Variants in VPS37D observed in about 807,000 individuals in gnomAD.
The protein encoded by VPS37D is VPS37D subunit of ESCRT-I, also known as vacuolar protein sorting-associated protein 37D.
VPS37D carries 5 observed loss-of-function variants against 22.0 expected under a neutral mutation model. That is an observed-to-expected ratio of 0.23 (90% CI 0.12 to 0.48). The LOEUF (loss-of-function observed/expected upper bound fraction) is 0.48. Ranked by LOEUF, VPS37D falls within the 20% of genes least tolerant of loss-of-function variation. VPS37D has a pLI of 0.99. For missense variants in VPS37D, 384 were observed against 345.8 expected, an observed-to-expected ratio of 1.11 and a Z score of -0.88; for synonymous variants, 174 against 159.3, an observed-to-expected ratio of 1.09 and a Z score of -0.69.
chr7:73,666,837 C>T (rs1797383621), upstream of VPS37D, among the ~76,000 whole-genome samples: 1 of 152,098 alleles, frequency 6.6e-6, no homozygotes, highest in African/African-American at 2.4e-5. Flanking sequence ...GCTGTGTTGC[C>T]CAGGCTGGTC....
Position 73,667,853 on chromosome 7 carries a change from CCGGAGCGGATCCTGGAGCCGGAGCGGAG to C in VPS37D, c.-96_-69del. Reference sequence around the variant, plus strand: ...GGCGGAGCGGTGCGTGCGGCCGGAGCCGGAGCGGATCCTGGAGCCGGAGCGGAGCGGAGCGGAGCGGAGCCGGGGCGGA... The same window carrying C: ...GGCGGAGCGGTGCGTGCGGCCGGAGCCGGAGCGGAGCGGAGCCGGGGCGGA... On this transcript the variant is annotated 5_prime_UTR_variant, in exon 1 of 4. Coordinates refer to ENST00000324941, the MANE Select transcript of VPS37D (RefSeq NM_001077621.2). 3 of 298,680 alleles carry C rather than the reference CCGGAGCGGATCCTGGAGCCGGAGCGGAG, an allele frequency of 1.0e-5. No homozygotes were observed. The highest frequency in any genetic ancestry group is 1.5e-5 in the Non-Finnish European group (3 of 200,258). 18.5% of individuals were successfully genotyped at this position (298,680 alleles called of 1,614,324 possible).
intron 1 of VPS37D, 79 bp downstream of exon 1, chr7:73,668,175 G>GCGGGCCGGGCCGCGGGGCCGCC (rs1797425015): frequency 1.1e-6 from 1 of 938,710 alleles, no homozygotes; most frequent in African/African-American, 1.8e-5. Flanking sequence ...GAAGGGCCGC[G>GCGGGCCGGGCCGCGGGGCCGCC]CGGGCCGGGC....
Position 73,671,054 on chromosome 7 carries a change from A to C in VPS37D, c.434A>C (p.Glu145Ala), listed in dbSNP as rs1554609613. ...EQLLLGEQSL[E>A]AFLPAFQRGR... Reference sequence around the variant, plus strand: ...CTGCTGCTCGGGGAGCAAAGCCTGGAGGCCTTCCTGCCTGCCTTCCAGCGT... The same window carrying C: ...CTGCTGCTCGGGGAGCAAAGCCTGGCGGCCTTCCTGCCTGCCTTCCAGCGT... The change falls in exon 4 of 4, where the codon GAG (glutamate) becomes GCG (alanine). Residue 145 changes from glutamate (E) to alanine (A), a missense_variant. Physicochemically the swap from Glu to Ala is moderately radical, Grantham distance 107. Coordinates refer to ENST00000324941, the MANE Select transcript of VPS37D (RefSeq NM_001077621.2). 1 of 1,612,392 alleles carries C rather than the reference A, an allele frequency of 6.2e-7. No homozygotes were observed. The highest frequency in any genetic ancestry group is 1.7e-5 in the Admixed American group (1 of 59,994).
rs1797523965 is a variant in VPS37D, at chr7:73,671,793, C to G, written c.*417C>G. ...CCGCCAGGAGTGTTTTACATCATGT[C>G]CTGAGCCTACCTTTCCCCCAAATTC... On this transcript the variant is annotated 3_prime_UTR_variant, in exon 4 of 4. Transcript: ENST00000324941. The G allele has an allele frequency of 6.6e-6, 1 of 152,230 alleles. No individual in the cohort carries two copies. The highest frequency in any genetic ancestry group is 2.1e-4 in the South Asian group (1 of 4,818). The allele number at this position is 152,230 out of a possible 1,614,324, so 9.4% of individuals were successfully genotyped here.
rs1554609590 is a variant in VPS37D at position 73,670,994 on chromosome 7, T to A, written c.394-20T>A. 1.2e-6 allele frequency: 2 copies of A among 1,608,956 alleles called. No homozygotes were observed. Among genetic ancestry groups the A allele is most frequent in the South Asian group, 2.2e-5 (2 of 90,756 alleles). On this transcript the variant is annotated intron_variant, in intron 3 of 3. Transcript: ENST00000324941. ...CTGTGGTCGTGCCTCTCCCAAGCCT[T>A]CCCTTCCCTCCCGGCCCAGGAGCAG...
chr7:73,671,383 C>T lies in VPS37D; in HGVS notation c.*7C>T, dbSNP rs959945879. The T allele has an allele frequency of 3.3e-5, 45 of 1,364,222 alleles. No individual in the cohort carries two copies. Among genetic ancestry groups the T allele is most frequent in the Non-Finnish European group, 4.0e-5 (42 of 1,060,794 alleles). The allele number at this position is 1,364,222 out of a possible 1,614,324, so 84.5% of individuals were successfully genotyped here. On this transcript the variant is annotated 3_prime_UTR_variant, in exon 4 of 4. Coordinates refer to ENST00000324941, the MANE Select transcript of VPS37D (RefSeq NM_001077621.2). The stretch of plus-strand genomic sequence containing the variant: ...AGAGCCCCCCCACCGGTAGGATCCA[C>T]GGTGCGGCCCCCCAGTTGGGGGGCC...
rs1052569868 is a variant in VPS37D at position 73,671,443 on chromosome 7, C to A, written c.*67C>A. 3.7e-5 allele frequency: 33 copies of A among 902,232 alleles called. No individual in the cohort carries two copies. Among genetic ancestry groups the A allele is most frequent in the Non-Finnish European group, 4.7e-5 (31 of 659,782 alleles). The allele number at this position is 902,232 out of a possible 1,614,324, so 55.9% of individuals were successfully genotyped here. On this transcript the variant is annotated 3_prime_UTR_variant, in exon 4 of 4. Transcript: ENST00000324941. ...TTGATGCGTGGCTCCTCCTCCTCCCCCACTGCCTGGGTGGGGGGAGGGGCA... is the reference window on the plus strand; with the variant it reads ...TTGATGCGTGGCTCCTCCTCCTCCCACACTGCCTGGGTGGGGGGAGGGGCA...
Position 73,671,322 on chromosome 7 carries a change from C to T in VPS37D, c.702C>T (p.Gly234=). 7.2e-7 allele frequency: 1 copy of T among 1,380,772 alleles called. No individual in the cohort carries two copies. Among genetic ancestry groups the T allele is most frequent in the Non-Finnish European group, 9.4e-7 (1 of 1,062,870 alleles). The allele number at this position is 1,380,772 out of a possible 1,614,324, so 85.5% of individuals were successfully genotyped here. The change falls in exon 4 of 4, where the codon GGC becomes GGT. Residue 234 remains glycine (G), a synonymous_variant. Transcript: ENST00000324941. The part of the protein sequence containing the change: ...PLKGSPGCPL[G]PAPLLSPRPS... ...AGGGCTCCCCCGGGTGCCCCCTCGG[C>T]CCGGCCCCCCTGCTGAGCCCTCGGC...
upstream of VPS37D, among the ~76,000 whole-genome samples, chr7:73,667,211 T>A (rs1362704449): frequency 6.6e-6 from 1 of 151,982 alleles, no homozygotes; most frequent in Non-Finnish European, 1.5e-5. Flanking sequence ...CCTGACCTCG[T>A]GATCCGCCCG....
chr7:73,665,693 T>C (rs1175768562), upstream of VPS37D, among the ~76,000 whole-genome samples: 1 of 152,198 alleles, frequency 6.6e-6, no homozygotes, highest in Admixed American at 6.5e-5. Flanking sequence ...CCCTATGCCT[T>C]GGCTTATGGA....
upstream of VPS37D, among the ~76,000 whole-genome samples, chr7:73,666,374 G>C (rs530164822): frequency 2.6e-5 from 4 of 152,216 alleles, no homozygotes; most frequent in East Asian, 3.9e-4. Context: ...AAACGGGACT[G>C]TATCATTTAC....
At position 73,672,003 on chromosome 7, in the gene VPS37D, CCT is replaced by C. The variant is rs1458295719; in HGVS notation, c.*628_*629del. Reference sequence around the variant, plus strand: ...AAAGACCATTCTGTATTTTTCTGTCCCTGTCTCCTTAGAATGGAAGCTTTTTG... The same window carrying C: ...AAAGACCATTCTGTATTTTTCTGTCCGTCTCCTTAGAATGGAAGCTTTTTG... On this transcript the variant is annotated 3_prime_UTR_variant, in exon 4 of 4. Coordinates refer to ENST00000324941, the MANE Select transcript of VPS37D (RefSeq NM_001077621.2). The C allele has an allele frequency of 1.3e-5, 2 of 152,314 alleles. No homozygotes were observed. The highest frequency in any genetic ancestry group is 2.4e-5 in the African/African-American group (1 of 41,450). 9.4% of individuals were successfully genotyped at this position (152,314 alleles called of 1,614,324 possible).
At chr7:73,669,704 C>G (rs1554609370) in intron 2 of VPS37D, 114 bp downstream of exon 2, 1 of 1,066,236 alleles carries the variant, frequency 9.4e-7, no homozygotes, top group African/African-American at 1.8e-5. Context: ...GGACCTGCTC[C>G]TGGCTTGCTG....
intron 3 of VPS37D, among the ~76,000 whole-genome samples, 156 bp from the exon 4 acceptor site, chr7:73,670,858 A>G (rs1418849890): frequency 1.3e-5 from 2 of 151,544 alleles, no homozygotes; most frequent in Non-Finnish European, 2.9e-5. Flanking sequence ...TCACTTAGCA[A>G]GTAATCGGAG....
upstream of VPS37D, among the ~76,000 whole-genome samples, chr7:73,666,440 G>A (rs1797374937): frequency 6.6e-6 from 1 of 150,936 alleles, no homozygotes; most frequent in Non-Finnish European, 1.5e-5. Context: ...TTTTTTCTTT[G>A]TTTGAGACGG....
rs149172222 is a variant in VPS37D, at chr7:73,669,291, C to T, written c.139-128C>T. 8.4e-5 allele frequency: 107 copies of T among 1,270,072 alleles called. No individual in the cohort carries two copies. In the Middle Eastern group the frequency reaches 8.5e-4, roughly 10 times the overall value. 78.7% of individuals were successfully genotyped at this position (1,270,072 alleles called of 1,614,324 possible). Reference sequence around the variant, plus strand: ...CCCTTCACCTGTTGGGTTCACCACCCTGAAGGGGTGCCTGACAGGTGCCTT... The same window carrying T: ...CCCTTCACCTGTTGGGTTCACCACCTTGAAGGGGTGCCTGACAGGTGCCTT... On this transcript the variant is annotated intron_variant, in intron 1 of 3. Coordinates refer to ENST00000324941, the MANE Select transcript of VPS37D (RefSeq NM_001077621.2).
At chr7:73,669,295 A>C (rs906627713) in intron 1 of VPS37D, 124 bp from the exon 2 acceptor site, 1 of 1,278,768 alleles carries the variant, frequency 7.8e-7, no homozygotes, top group African/African-American at 1.5e-5. Flanking sequence ...ACCACCCTGA[A>C]GGGGTGCCTG....
At chr7:73,665,733 C>T (rs1036211910), upstream of VPS37D, among the ~76,000 whole-genome samples, 3 of 152,180 alleles carry the variant, frequency 2.0e-5, no homozygotes, top group Non-Finnish European at 4.4e-5. Flanking sequence ...TTTTCTCCTT[C>T]AACTTGAGAA....
chr7:73,669,269 T>C, intron 1 of VPS37D, 150 bp from the exon 2 acceptor site: 1 of 973,272 alleles, frequency 1.0e-6, no homozygotes, highest in Non-Finnish European at 1.5e-6. Context: ...TCATCGTCCC[T>C]TCACCTGTTG....
Sources: allele counts gnomAD v4.1 joint callset (sites outside exome capture counted in the v4.1 genomes callset), GRCh38; gene constraint gnomAD v4.1.1; transcripts MANE v1.5; gene names NCBI Gene and HGNC (gene_info 2026-07-23, HGNC 2026-07-21).